Variants in KIAA2012 observed in about 807,000 individuals in gnomAD.
The protein encoded by KIAA2012 is KIAA2012, also known as uncharacterized protein KIAA2012.
In KIAA2012, 125 loss-of-function variants were observed where a neutral mutation model predicts 150.6. That is an observed-to-expected ratio of 0.83 (90% CI 0.72 to 0.96). The LOEUF is 0.96. Ranked by LOEUF, KIAA2012 falls within the 40% of genes least tolerant of loss-of-function variation. The pLI, the probability that KIAA2012 is intolerant of heterozygous loss-of-function variation, is 0.00. For synonymous variants in KIAA2012, 462 were observed against 504.7 expected (o/e 0.92, Z 1.13); for missense variants, 1,219 against 1,354.9 (o/e 0.90, Z 1.57).
At chr2:202,185,776 C>T (rs1191622792) in intron 16 of KIAA2012, among the ~76,000 whole-genome samples, 5 of 151,806 alleles carry the variant, frequency 3.3e-5, no homozygotes, top group African/African-American at 9.7e-5. Flanking sequence ...TTGTGGTTCT[C>T]ATTTGCAGCA....
rs1360173213 is a variant in KIAA2012, at chr2:202,187,055, A to G, written c.2333A>G (p.Glu778Gly). Residue 778 changes from glutamate (E) to glycine (G), a missense_variant, in exon 17 of 24, where the codon GAA (glutamate) becomes GGA (glycine). Glu to Gly is a moderately conservative substitution (Grantham distance 98). Transcript: ENST00000498697. ...CCAAGAGAAAGAGAAGGGAAGGCTG[A>G]ACCAAGACTGTTTAGCCAGGAGACA... ...LLPREREGKA[E>G]PRLFSQETSA... The G allele has an allele frequency of 2.6e-5, 41 of 1,550,620 alleles. No homozygotes were observed. The highest frequency in any genetic ancestry group is 3.5e-5 in the Non-Finnish European group (40 of 1,146,998).
intron 12 of KIAA2012, among the ~76,000 whole-genome samples, chr2:202,135,123 C>T (rs1301540827): frequency 1.3e-5 from 2 of 152,178 alleles, no homozygotes; most frequent in African/African-American, 2.4e-5. Flanking sequence ...TCACTAAAAG[C>T]CTGTGGTTAG....
chr2:202,075,217 G>C, intron 2 of KIAA2012, 42 bp downstream of exon 2: 1 of 1,488,398 alleles, frequency 6.7e-7, no homozygotes, highest in Non-Finnish European at 8.9e-7. Flanking sequence ...GGTGCTGGTA[G>C]CATGTCTAGA....
chr2:202,110,151 C>T (rs1032506206), intron 10 of KIAA2012, among the ~76,000 whole-genome samples: 6 of 152,114 alleles, frequency 3.9e-5, no homozygotes, highest in Non-Finnish European at 7.3e-5. Flanking sequence ...CAAGAGAGCC[C>T]GATGAGCCTG....
chr2:202,193,500 T>A lies in KIAA2012; in HGVS notation c.3011T>A (p.Ile1004Asn), dbSNP rs1463591018. The change falls in exon 20 of 24, where the codon ATC (isoleucine) becomes AAC (asparagine). Residue 1004 changes from isoleucine to asparagine, a missense_variant. Coordinates refer to ENST00000498697, the MANE Select transcript of KIAA2012 (RefSeq NM_001277372.4). ...GAGCAGCAGAGACGTACAGAAGAGA[T>A]CCGGTAGGTTGGGCAAGCCAAAGAG... ...ELEQQRRTEEIRLRKQRLQEE... is the reference protein window; with the variant it reads ...ELEQQRRTEENRLRKQRLQEE... 1.9e-6 allele frequency: 3 copies of A among 1,549,614 alleles called. No individual in the cohort carries two copies. The highest frequency in any genetic ancestry group is 2.6e-6 in the Non-Finnish European group (3 of 1,146,844).
intron 2 of KIAA2012, among the ~76,000 whole-genome samples, chr2:202,084,868 G>A (rs1689527582): frequency 6.6e-6 from 1 of 152,068 alleles, no homozygotes; most frequent in African/African-American, 2.4e-5. Context: ...AGAACTATTT[G>A]TAATCTTATG....
At chr2:202,117,405 G>T (rs958384700) in intron 11 of KIAA2012, among the ~76,000 whole-genome samples, 26 of 152,322 alleles carry the variant, frequency 1.7e-4, no homozygotes, top group Admixed American at 1.2e-3. Context: ...ACGGGTAAAA[G>T]AATCCTTCCA....
At position 202,188,261 on chromosome 2, in the gene KIAA2012, C is replaced by T. The variant is rs1574314006; in HGVS notation, c.2486C>T (p.Ala829Val). The change falls in exon 18 of 24, where the codon GCC (alanine) becomes GTC (valine). Residue 829 changes from alanine to valine, a missense_variant. Ala to Val is a moderately conservative substitution (Grantham distance 64). Transcript: ENST00000498697. ...EGKVYGQAEA[A>V]IGKSKDSKAK... The stretch of plus-strand genomic sequence containing the variant: ...AAGGTCTACGGGCAAGCAGAGGCTG[C>T]CATTGGTAAGAGAGTGTGCCTGCAA... 4 of 1,549,090 alleles carry T rather than the reference C, an allele frequency of 2.6e-6. No individual in the cohort carries two copies. The African/African-American group carries it at 5.5e-5, about 21-fold the overall frequency.
Position 202,103,088 on chromosome 2 carries a change from C to G in KIAA2012, c.1298C>G (p.Pro433Arg). Reference sequence around the variant, plus strand: ...GAGATTCATTACCACACCAAACAACCCCCAAAAGAGAAAGCCCACAGAAGA... The same window carrying G: ...GAGATTCATTACCACACCAAACAACGCCCAAAAGAGAAAGCCCACAGAAGA... ...PVEIHYHTKQ[P>R]PKEKAHRRGA... Residue 433 changes from proline (P) to arginine (R), a missense_variant, in exon 8 of 24, where the codon CCC becomes CGC. By Grantham distance (103) the Pro-to-Arg change is moderately radical. Coordinates refer to ENST00000498697, the MANE Select transcript of KIAA2012 (RefSeq NM_001277372.4). The G allele has an allele frequency of 6.4e-7, 1 of 1,550,568 alleles. No homozygotes were observed. Among genetic ancestry groups the G allele is most frequent in the South Asian group, 1.2e-5 (1 of 84,042 alleles).
At chr2:202,079,415 G>A (rs906818071) in intron 2 of KIAA2012, among the ~76,000 whole-genome samples, 1 of 152,196 alleles carries the variant, frequency 6.6e-6, no homozygotes, top group African/African-American at 2.4e-5. Flanking sequence ...ATCTGTTCTT[G>A]GCTGGACTGT....
intron 11 of KIAA2012, chr2:202,116,843 A>G: frequency 6.6e-6 from 1 of 152,284 alleles, no homozygotes; most frequent in Non-Finnish European, 1.5e-5. Context: ...GGGTCATAAA[A>G]GGCACCAAGG....
chr2:202,112,570 G>C (rs1158457337), intron 10 of KIAA2012, among the ~76,000 whole-genome samples: 1 of 152,160 alleles, frequency 6.6e-6, no homozygotes, highest in Non-Finnish European at 1.5e-5. Context: ...CATCTGAAGT[G>C]GGGGGCAGTC....
intron 4 of KIAA2012, among the ~76,000 whole-genome samples, chr2:202,096,280 G>C (rs1368401335): frequency 6.6e-6 from 1 of 152,166 alleles, no homozygotes; most frequent in African/African-American, 2.4e-5. Context: ...ACTCTGTATG[G>C]AGTTGAGGTC....
chr2:202,172,832 A>T (rs1429924066), intron 15 of KIAA2012, among the ~76,000 whole-genome samples: 2 of 152,212 alleles, frequency 1.3e-5, no homozygotes, highest in Non-Finnish European at 2.9e-5. Flanking sequence ...GGAAGATGGC[A>T]CCATGCAAAG....
Position 202,073,328 on chromosome 2 carries a change from GACA to G in KIAA2012, c.-295_-293del, listed in dbSNP as rs1274723310. The G allele has an allele frequency of 1.9e-5, 6 of 311,646 alleles. No homozygotes were observed. Among genetic ancestry groups the G allele is most frequent in the Non-Finnish European group, 3.0e-5 (5 of 165,730 alleles). The allele number at this position is 311,646 out of a possible 1,614,324, so 19.3% of individuals were successfully genotyped here. On this transcript the variant is annotated 5_prime_UTR_variant, in exon 1 of 24. Transcript: ENST00000498697. ...GGTAACAGAGCAACCGGGACCAAGG[GACA>G]ACAAGAGCTCAGGAGAAGGGGAGAG...
intron 2 of KIAA2012, among the ~76,000 whole-genome samples, chr2:202,083,654 C>T (rs776228072): frequency 6.6e-6 from 1 of 151,286 alleles, no homozygotes; most frequent in South Asian, 2.1e-4. Context: ...ATCGAGCCAA[C>T]GTCTGAGTAG....
chr2:202,103,066 A>G lies in KIAA2012; in HGVS notation c.1276A>G (p.Ile426Val). Residue 426 changes from isoleucine to valine, a missense_variant, in exon 8 of 24, where the codon ATT (isoleucine) becomes GTT (valine). Ile to Val is a conservative substitution (Grantham distance 29). Coordinates refer to ENST00000498697, the MANE Select transcript of KIAA2012 (RefSeq NM_001277372.4). ...PTELFILPVE[I>V]HYHTKQPPKE... is the part of the protein sequence containing the mutation. ...AGAGCTCTTCATCTTACCGGTGGAG[A>G]TTCATTACCACACCAAACAACCCCC... The G allele has an allele frequency of 1.3e-6, 2 of 1,550,532 alleles. No homozygotes were observed. Among genetic ancestry groups the G allele is most frequent in the Non-Finnish European group, 1.7e-6 (2 of 1,146,982 alleles).
chr2:202,143,899 G>T (rs1691248827), intron 13 of KIAA2012, among the ~76,000 whole-genome samples: 1 of 152,122 alleles, frequency 6.6e-6, no homozygotes, highest in Non-Finnish European at 1.5e-5. Context: ...TTGGAACTCA[G>T]AGCATAAAAC....
rs1377593603 is a variant in KIAA2012 at position 202,073,623 on chromosome 2, G to A, written c.-5G>A. 1.9e-6 allele frequency: 3 copies of A among 1,550,038 alleles called. No individual in the cohort carries two copies. In the African/African-American group the frequency reaches 4.1e-5, roughly 21 times the overall value. Reference sequence around the variant, plus strand: ...GCCCTTGAGAAGGGGTGGTCAGAGGGAAACATGTTCACGCTCTCCCTCCTG... The same window carrying A: ...GCCCTTGAGAAGGGGTGGTCAGAGGAAAACATGTTCACGCTCTCCCTCCTG... On this transcript the variant is annotated 5_prime_UTR_variant, in exon 1 of 24. Transcript: ENST00000498697.
Sources: gnomAD v4.1 joint callset for allele counts (sites outside exome capture counted in the v4.1 genomes callset) on GRCh38, gnomAD v4.1.1 for gene constraint, MANE v1.5 for transcripts, NCBI Gene and HGNC (gene_info 2026-07-23, HGNC 2026-07-21) for gene names.